PTPRT: variants seen among roughly 807,000 people sequenced by gnomAD.
PTPRT encodes the protein receptor-type tyrosine-protein phosphatase T.
In PTPRT, 56 loss-of-function variants were observed where a neutral mutation model predicts 176.8. The observed-to-expected ratio is 0.32, with a 90% CI of 0.26 to 0.40. The LOEUF (loss-of-function observed/expected upper bound fraction) is 0.40. Ranked by LOEUF, PTPRT falls within the 10% of genes least tolerant of loss-of-function variation. The pLI is 1.00. For synonymous variants in PTPRT, 783 were observed against 739.0 expected (o/e 1.06, Z -0.96); for missense variants, 1,540 against 1,908.2 (o/e 0.81, Z 3.60).
chr20:42,617,241 T>G (rs1373461152), intron 7 of PTPRT, among the ~76,000 whole-genome samples: 1 of 136,302 alleles, frequency 7.3e-6, no homozygotes, highest in South Asian at 2.3e-4. Flanking sequence ...TGGATTACAT[T>G]TATTGATTTG....
At chr20:43,112,152 G>A (rs1008497680) in intron 1 of PTPRT, among the ~76,000 whole-genome samples, 4 of 152,326 alleles carry the variant, frequency 2.6e-5, no homozygotes, top group African/African-American at 9.6e-5. Context: ...GGTGCTATCC[G>A]AGGAACAGTG....
intron 1 of PTPRT, among the ~76,000 whole-genome samples, chr20:43,112,806 C>T (rs188793429): frequency 6.6e-6 from 1 of 152,340 alleles, no homozygotes; most frequent in Admixed American, 6.5e-5. Context: ...TTTCTCCAGC[C>T]CTGGATGTTG....
intron 11 of PTPRT, among the ~76,000 whole-genome samples, chr20:42,348,638 T>C (rs1305724183): frequency 1.3e-5 from 2 of 152,150 alleles, no homozygotes; most frequent in African/African-American, 4.8e-5. Context: ...GGTAGTGTTA[T>C]ATATAGAGAC....
chr20:42,419,474 T>G (rs1028343176), intron 9 of PTPRT, among the ~76,000 whole-genome samples: 6 of 152,192 alleles, frequency 3.9e-5, no homozygotes, highest in African/African-American at 1.4e-4. Context: ...AACCACCTCC[T>G]TTTCTTAGAA....
At chr20:42,106,982 C>T in intron 23 of PTPRT, 61 bp from the exon 24 acceptor site, 3 of 1,579,458 alleles carry the variant, frequency 1.9e-6, no homozygotes, top group East Asian at 2.3e-5. Flanking sequence ...CCTGGGGAGG[C>T]CCCTAGCATT....
intron 1 of PTPRT, among the ~76,000 whole-genome samples, chr20:42,974,420 C>A (rs926530414): frequency 6.6e-6 from 1 of 152,004 alleles, no homozygotes; most frequent in Non-Finnish European, 1.5e-5. Flanking sequence ...TTTTCCCACT[C>A]TCCTCTCCAA....
At position 43,116,523 on chromosome 20, in the gene PTPRT, C is replaced by T. The variant is rs544066837; in HGVS notation, c.88+73123G>A. 3.9e-5 allele frequency among the ~76,000 whole-genome samples: 6 copies of T among 152,288 alleles called. No homozygotes were observed. In the East Asian group the frequency reaches 5.8e-4, roughly 15 times the overall value. The stretch of plus-strand genomic sequence containing the variant: ...ATAAATAATAGCAAAATAGCAATGT[C>T]CTTTCCACCTGCCTTACTTATTCAC... On this transcript the variant is annotated intron_variant, in intron 1 of 30. Transcript: ENST00000373187.
chr20:42,681,861 A>C (rs1777238876), intron 6 of PTPRT, among the ~76,000 whole-genome samples: 1 of 152,252 alleles, frequency 6.6e-6, no homozygotes, highest in Admixed American at 6.5e-5. Flanking sequence ...GCAAGAAATG[A>C]ACAAGCTGCA....
At chr20:42,812,948 T>A (rs1443412254) in intron 2 of PTPRT, among the ~76,000 whole-genome samples, 2 of 152,130 alleles carry the variant, frequency 1.3e-5, no homozygotes, top group Non-Finnish European at 2.9e-5. Context: ...TATGTCTGTA[T>A]CTATTGTAGA....
At position 42,847,305 on chromosome 20, in the gene PTPRT, C is replaced by T. The variant is rs367791121; in HGVS notation, c.214+38502G>A. Among the ~76,000 whole-genome samples the T allele has an allele frequency of 5.4e-4, 82 of 152,290 alleles. No individual in the cohort carries two copies. The East Asian group carries it at 0.012, about 23-fold the overall frequency. On this transcript the variant is annotated intron_variant, in intron 2 of 30. Transcript: ENST00000373187. ...GAGGAACAGCAACCTTCAGTCAAGA[C>T]ACACGGCTGGCCCATAGCAACCACA...
chr20:42,095,250 A>T (rs1985081520), intron 27 of PTPRT, among the ~76,000 whole-genome samples: 1 of 152,222 alleles, frequency 6.6e-6, no homozygotes, highest in East Asian at 1.9e-4. Context: ...CTTTTATTAA[A>T]AAAGGCAAAT....
intron 1 of PTPRT, among the ~76,000 whole-genome samples, chr20:43,002,933 G>A (rs901485977): frequency 1.3e-5 from 2 of 150,362 alleles, no homozygotes; most frequent in East Asian, 3.9e-4. Context: ...GGTTCTTTGA[G>A]AAAAAGAAAA....
At chr20:43,075,622 G>C (rs931339367) in intron 1 of PTPRT, among the ~76,000 whole-genome samples, 2 of 152,196 alleles carry the variant, frequency 1.3e-5, no homozygotes, top group African/African-American at 4.8e-5. Flanking sequence ...TCCATTTAAA[G>C]GTAAAAGCAG....
chr20:42,585,705 C>G (rs1240945706), intron 7 of PTPRT, among the ~76,000 whole-genome samples: 1 of 152,030 alleles, frequency 6.6e-6, no homozygotes, highest in Non-Finnish European at 1.5e-5. Context: ...TCAATCATCT[C>G]CTGTACAAGA....
intron 6 of PTPRT, among the ~76,000 whole-genome samples, chr20:42,716,470 G>T (rs1316426369): frequency 6.6e-6 from 1 of 152,154 alleles, no homozygotes; most frequent in Non-Finnish European, 1.5e-5. Flanking sequence ...GTATCTCATT[G>T]TGGCTTTGAT....
intron 2 of PTPRT, among the ~76,000 whole-genome samples, chr20:42,883,663 A>ATAATACCCATACACC (rs1261277638): frequency 9.6e-5 from 1 of 10,390 alleles, no homozygotes; most frequent in African/African-American, 3.6e-4. Flanking sequence ...ATATACACAC[A>ATAATACCCATACACC]CCCATACAAA....
At chr20:42,630,674 AT>A (rs1466962295) in intron 7 of PTPRT, among the ~76,000 whole-genome samples, 1 of 152,200 alleles carries the variant, frequency 6.6e-6, no homozygotes, top group African/African-American at 2.4e-5. Context: ...ATCATACATT[AT>A]TTATCCACAA....
At chr20:42,210,017 C>G (rs1480668710) in intron 15 of PTPRT, among the ~76,000 whole-genome samples, 4 of 152,116 alleles carry the variant, frequency 2.6e-5, no homozygotes, top group Admixed American at 2.6e-4. Flanking sequence ...AAATGTAATC[C>G]AGCATATAAA....
rs1363900417 is a variant in PTPRT at position 42,662,551 on chromosome 20, A to G, written c.1153+15315T>C. On this transcript the variant is annotated intron_variant, in intron 7 of 30. Coordinates refer to ENST00000373187, the MANE Select transcript of PTPRT (RefSeq NM_007050.6). ...GCCTTGCAGAGCATTATTAGCCATC[A>G]TTAATATTAATGACCTGTATTTCTA... 3.3e-5 allele frequency among the ~76,000 whole-genome samples: 5 copies of G among 152,308 alleles called. No homozygotes were observed. The East Asian group carries it at 9.7e-4, about 29-fold the overall frequency.
Sources: gnomAD v4.1 joint callset for allele counts (sites outside exome capture counted in the v4.1 genomes callset) on GRCh38, gnomAD v4.1.1 for gene constraint, MANE v1.5 for transcripts, NCBI Gene and HGNC (gene_info 2026-07-23, HGNC 2026-07-21) for gene names.